CNTNAP2: variants seen among roughly 807,000 people sequenced by gnomAD.
CNTNAP2 encodes contactin-associated protein-like 2.
A neutral mutation model predicts 155.2 loss-of-function variants in CNTNAP2; 98 were observed. The ratio of observed to expected loss-of-function variants is 0.63; its 90% CI spans 0.54 to 0.75. The LOEUF (loss-of-function observed/expected upper bound fraction) is 0.75, where lower values mean the gene tolerates loss of function less well. Among genes scored for constraint, CNTNAP2 ranks in the 30% least tolerant of loss-of-function variants. The pLI, the probability that CNTNAP2 is intolerant of heterozygous loss-of-function variation, is 0.00. For synonymous variants in CNTNAP2, 651 were observed against 631.2 expected (o/e 1.03, Z -0.47); for missense variants, 1,727 against 1,688.1 (o/e 1.02, Z -0.40).
intron 15 of CNTNAP2, among the ~76,000 whole-genome samples, chr7:148,109,716 G>A (rs955984564): frequency 6.6e-5 from 10 of 152,090 alleles, no homozygotes; most frequent in African/African-American, 1.7e-4. Context: ...GGAAATTATC[G>A]CCAGATCAAC....
At chr7:147,291,072 C>T (rs1805297936) in intron 8 of CNTNAP2, among the ~76,000 whole-genome samples, 1 of 152,134 alleles carries the variant, frequency 6.6e-6, no homozygotes, top group African/African-American at 2.4e-5. Context: ...CTCGTGCCAC[C>T]CTACAGTCCA....
At chr7:146,883,762 A>G (rs1196901656) in intron 3 of CNTNAP2, among the ~76,000 whole-genome samples, 1 of 152,144 alleles carries the variant, frequency 6.6e-6, no homozygotes, top group Admixed American at 6.6e-5. Context: ...TGATCAAAAC[A>G]CTATTTTAGT....
At chr7:146,366,658 G>A (rs1177873478) in intron 1 of CNTNAP2, among the ~76,000 whole-genome samples, 1 of 152,124 alleles carries the variant, frequency 6.6e-6, no homozygotes, top group African/African-American at 2.4e-5. Context: ...TCCATCAAGG[G>A]CTCCACCTGT....
At chr7:147,030,254 T>C (rs1524346) in intron 3 of CNTNAP2, among the ~76,000 whole-genome samples, 96,374 of 152,076 alleles carry the variant, frequency 0.63, 32,660 homozygotes, top group African/African-American at 0.89. Context: ...TGTTTTTATA[T>C]GGATTTTCTT....
At chr7:148,337,582 A>G (rs768064123) in intron 21 of CNTNAP2, among the ~76,000 whole-genome samples, 9 of 152,070 alleles carry the variant, frequency 5.9e-5, no homozygotes, top group Admixed American at 2.6e-4. Flanking sequence ...CCAAGATCCA[A>G]CCCTTCTCAT....
In CNTNAP2 at chr7:146,846,170, A is replaced by C. The variant is rs958584363; in HGVS notation, c.402+6266A>C. 2.0e-5 allele frequency among the ~76,000 whole-genome samples: 3 copies of C among 152,150 alleles called. No homozygotes were observed. In the East Asian group the frequency reaches 5.8e-4, roughly 29 times the overall value. ...GATAATAACTTCTACTTCACTTAGG[A>C]CATGAATGTGATTCTTTTCCCCAAA... On this transcript the variant is annotated intron_variant, in intron 3 of 23. Coordinates refer to ENST00000361727, the MANE Select transcript of CNTNAP2 (RefSeq NM_014141.6).
chr7:146,849,824 G>A (rs1269542330), intron 3 of CNTNAP2, among the ~76,000 whole-genome samples: 3 of 152,110 alleles, frequency 2.0e-5, no homozygotes, highest in Non-Finnish European at 4.4e-5. Context: ...ATGCAAGTAA[G>A]TAGTTAATAG....
At chr7:147,775,267 T>TTATATA (rs1157979534) in intron 13 of CNTNAP2, among the ~76,000 whole-genome samples, 1 of 73,726 alleles carries the variant, frequency 1.4e-5, no homozygotes, top group South Asian at 3.7e-4. Flanking sequence ...ATAAATATAT[T>TTATATA]TATATATATA....
intron 3 of CNTNAP2, among the ~76,000 whole-genome samples, chr7:146,960,591 A>G (rs986364376): frequency 2.6e-5 from 4 of 152,244 alleles, no homozygotes; most frequent in African/African-American, 9.6e-5. Context: ...CAAGGCATAT[A>G]AGGATTTATT....
At chr7:146,695,559 C>T (rs576108132) in intron 1 of CNTNAP2, among the ~76,000 whole-genome samples, 37 of 152,064 alleles carry the variant, frequency 2.4e-4, no homozygotes, top group African/African-American at 6.0e-4. Flanking sequence ...TATAGGCCCA[C>T]ACTACCATGC....
intron 8 of CNTNAP2, among the ~76,000 whole-genome samples, chr7:147,182,899 A>G (rs4512308): frequency 0.38 from 57,538 of 152,032 alleles, 11,819 homozygotes; most frequent in East Asian, 0.61. Flanking sequence ...AGAAATACTT[A>G]TATTATTCAG....
chr7:147,794,750 AAAC>A (rs1449101564), intron 13 of CNTNAP2, among the ~76,000 whole-genome samples: 1,708 of 130,046 alleles, frequency 0.013, 85 homozygotes, highest in Admixed American at 0.1. Context: ...TTTTTTTTAA[AAAC>A]AATTAATTCA....
At chr7:147,403,186 C>T (rs1796947748) in intron 10 of CNTNAP2, among the ~76,000 whole-genome samples, 1 of 152,158 alleles carries the variant, frequency 6.6e-6, no homozygotes, top group Non-Finnish European at 1.5e-5. Context: ...TAAATAATAA[C>T]TCTTTCAACC....
chr7:148,039,570 A>G (rs1416347593), intron 15 of CNTNAP2, among the ~76,000 whole-genome samples: 1 of 152,198 alleles, frequency 6.6e-6, no homozygotes, highest in East Asian at 1.9e-4. Flanking sequence ...CCTCCAGGTC[A>G]TGTGGTCAGT....
chr7:147,770,053 T>A (rs566328897), intron 13 of CNTNAP2, among the ~76,000 whole-genome samples: 22 of 152,258 alleles, frequency 1.4e-4, no homozygotes, highest in South Asian at 2.1e-4. Flanking sequence ...TGTGTGTGTG[T>A]GAGAGACACG....
chr7:147,944,389 G>T (rs1463037520), intron 14 of CNTNAP2, among the ~76,000 whole-genome samples: 3 of 152,178 alleles, frequency 2.0e-5, no homozygotes. Flanking sequence ...GCAGTAAGGA[G>T]AAATATTATT....
intron 1 of CNTNAP2, among the ~76,000 whole-genome samples, chr7:146,770,165 CTT>C (rs1802267100): frequency 6.6e-6 from 1 of 151,896 alleles, no homozygotes; most frequent in South Asian, 2.1e-4. Context: ...TTTTATTACT[CTT>C]TTGTTGCTTC....
chr7:146,634,019 C>G (rs913218376), intron 1 of CNTNAP2, among the ~76,000 whole-genome samples: 1 of 151,972 alleles, frequency 6.6e-6, no homozygotes, highest in African/African-American at 2.4e-5. Flanking sequence ...AATCTATGAG[C>G]CCTGCTAGCT....
chr7:147,614,955 T>A lies in CNTNAP2; in HGVS notation c.1898-24151T>A, dbSNP rs549255871. Among the ~76,000 whole-genome samples the A allele has an allele frequency of 1.2e-4, 18 of 151,890 alleles. No homozygotes were observed. In the East Asian group the frequency reaches 2.7e-3, roughly 23 times the overall value. ...ACCAAACTTGAATAACTCAAGTTTC[T>A]AAAATTAAGAATTCAAGCCACATGT... On this transcript the variant is annotated intron_variant, in intron 12 of 23. Coordinates refer to ENST00000361727, the MANE Select transcript of CNTNAP2 (RefSeq NM_014141.6).
Sources: allele counts gnomAD v4.1 joint callset (sites outside exome capture counted in the v4.1 genomes callset), GRCh38; gene constraint gnomAD v4.1.1; transcripts MANE v1.5; gene names NCBI Gene and HGNC (gene_info 2026-07-23, HGNC 2026-07-21).